DAPK2: variants seen among roughly 807,000 people sequenced by gnomAD.
DAPK2 encodes the protein death associated protein kinase 2.
Under a neutral mutation model 44.1 loss-of-function variants are expected in DAPK2, and 35 were observed. That is an observed-to-expected ratio of 0.79 (90% confidence interval 0.61 to 1.05). DAPK2 has a LOEUF of 1.05. DAPK2 is among the 50% of genes least tolerant of loss of function. The probability of loss-of-function intolerance (pLI) is 0.00; values close to 1 mark genes in which losing one functional copy is unlikely to be tolerated. For synonymous variants in DAPK2, 174 were observed against 182.6 expected (o/e 0.95, Z 0.38); for missense variants, 453 against 483.2 (o/e 0.94, Z 0.59).
At chr15:63,936,385 G>A (rs898485202) in intron 4 of DAPK2, among the ~76,000 whole-genome samples, 1 of 151,812 alleles carries the variant, frequency 6.6e-6, no homozygotes, top group African/African-American at 2.4e-5. Context: ...CCAAGGCAGG[G>A]GGATCACTTG....
At chr15:64,018,952 T>C (rs1159939137) in intron 1 of DAPK2, among the ~76,000 whole-genome samples, 1 of 152,224 alleles carries the variant, frequency 6.6e-6, no homozygotes, top group African/African-American at 2.4e-5. Flanking sequence ...CTCCTGGCCT[T>C]GGTTTCCTCC....
At chr15:63,944,759 A>G (rs2077405720) in intron 3 of DAPK2, among the ~76,000 whole-genome samples, 2 of 152,150 alleles carry the variant, frequency 1.3e-5, no homozygotes, top group African/African-American at 2.4e-5. Flanking sequence ...AATCTGGTTA[A>G]ATATCTTCAG....
At chr15:63,997,550 C>T (rs1182670155) in intron 1 of DAPK2, among the ~76,000 whole-genome samples, 1 of 152,172 alleles carries the variant, frequency 6.6e-6, no homozygotes, top group Admixed American at 6.5e-5. Flanking sequence ...AGTCTGGTCT[C>T]GAACTCCTGA....
intron 3 of DAPK2, among the ~76,000 whole-genome samples, chr15:63,960,280 G>T (rs1263721686): frequency 6.6e-6 from 1 of 152,018 alleles, no homozygotes; most frequent in Non-Finnish European, 1.5e-5. Flanking sequence ...TATCAATTTT[G>T]TTGATCTTTT....
At chr15:63,937,214 G>A (rs2077184365) in intron 4 of DAPK2, among the ~76,000 whole-genome samples, 1 of 152,060 alleles carries the variant, frequency 6.6e-6, no homozygotes, top group South Asian at 2.1e-4. Context: ...TATATTTTAA[G>A]GTAAAACAAA....
At chr15:63,950,392 ATT>A (rs1282328997) in intron 3 of DAPK2, among the ~76,000 whole-genome samples, 1 of 144,590 alleles carries the variant, frequency 6.9e-6, no homozygotes. Context: ...ATTAAAAAAC[ATT>A]TTTTTTTTTT....
intron 1 of DAPK2, among the ~76,000 whole-genome samples, chr15:64,025,657 G>A (rs12324089): frequency 0.45 from 68,989 of 152,094 alleles, 18,769 homozygotes; most frequent in East Asian, 0.78. Flanking sequence ...AAATATTTGA[G>A]GTATTGCAAG....
intron 1 of DAPK2, among the ~76,000 whole-genome samples, chr15:64,039,008 G>A (rs1469213279): frequency 6.6e-6 from 1 of 152,148 alleles, no homozygotes; most frequent in Non-Finnish European, 1.5e-5. Flanking sequence ...CTCCCCATTA[G>A]AGCCTTCCCA....
At chr15:63,931,646 G>A (rs1199237925) in intron 4 of DAPK2, among the ~76,000 whole-genome samples, 1 of 152,194 alleles carries the variant, frequency 6.6e-6, no homozygotes, top group Non-Finnish European at 1.5e-5. Context: ...AAGATGTCCA[G>A]GGGCAGGCTC....
chr15:63,975,756 G>A (rs555841874), intron 2 of DAPK2, among the ~76,000 whole-genome samples: 2 of 152,046 alleles, frequency 1.3e-5, no homozygotes, highest in Non-Finnish European at 2.9e-5. Context: ...ATGCCGCTAC[G>A]CCCAGCTAAT....
At chr15:64,002,951 T>TC (rs1448648946) in intron 1 of DAPK2, among the ~76,000 whole-genome samples, 167 of 132,178 alleles carry the variant, frequency 1.3e-3, no homozygotes, top group East Asian at 2.5e-3. Flanking sequence ...TGTGTGTGTG[T>TC]GTGTGTGTGT....
chr15:63,912,888 C>A lies in DAPK2; in HGVS notation c.859-691G>T, dbSNP rs74019093. Among the ~76,000 whole-genome samples, 1,438 of 152,254 alleles carry A rather than the reference C, an allele frequency of 9.4e-3. 16 individuals carry two copies. The highest frequency in any genetic ancestry group is 0.033 in the African/African-American group (1,388 of 41,534). Reference sequence around the variant, plus strand: ...TAATAAGTTATTGTGAGCTTTCCTGCGTTCTCCATTCCCTTTTCAACACCC... The same window carrying A: ...TAATAAGTTATTGTGAGCTTTCCTGAGTTCTCCATTCCCTTTTCAACACCC... On this transcript the variant is annotated intron_variant, in intron 8 of 10. Transcript: ENST00000261891. This position sits in a 1 kb window ranked among gnomAD's most constrained non-coding sequence, Gnocchi z 4.4.
At chr15:63,930,528 G>C in intron 4 of DAPK2, 73 bp from the exon 6 acceptor site, 1 of 1,418,812 alleles carries the variant, frequency 7.0e-7, no homozygotes, top group South Asian at 1.2e-5. Context: ...GGAATTTTAG[G>C]GAATTTGGTG....
upstream of DAPK2, among the ~76,000 whole-genome samples, chr15:64,042,716 A>G (rs1179876918): frequency 6.6e-6 from 1 of 152,204 alleles, no homozygotes; most frequent in African/African-American, 2.4e-5. This position sits in a 1 kb window ranked among gnomAD's most constrained non-coding sequence, Gnocchi z 4.7. Flanking sequence ...CCTATATTCC[A>G]GCCAAAGTTG....
chr15:63,910,967 C>T (rs2078771247), intron 10 of DAPK2: 1 of 152,264 alleles, frequency 6.6e-6, no homozygotes, highest in Non-Finnish European at 1.5e-5. Context: ...TGCCTGTAAT[C>T]CCAGCATTTT....
chr15:63,909,718 C>G (rs376609491), intron 10 of DAPK2: 2 of 152,134 alleles, frequency 1.3e-5, no homozygotes, highest in African/African-American at 2.4e-5. Flanking sequence ...AGGAGAATCT[C>G]TTGAACCCGG....
chr15:64,037,462 TAA>T (rs1455807419), intron 1 of DAPK2, among the ~76,000 whole-genome samples: 1 of 152,218 alleles, frequency 6.6e-6, no homozygotes, highest in Non-Finnish European at 1.5e-5. Flanking sequence ...TCTTAGCCCT[TAA>T]CACACCTTAT....
Position 63,925,698 on chromosome 15 carries a change from A to G in DAPK2, c.812+243T>C, listed in dbSNP as rs1238244980. Among the ~76,000 whole-genome samples, 4 of 151,806 alleles carry G rather than the reference A, an allele frequency of 2.6e-5. 1 individual carries two copies. The South Asian group carries it at 6.2e-4, about 24-fold the overall frequency. ...GTAGCGCACACACACACACACACAC[A>G]CACACACACACACACACACACACAT... On this transcript the variant is annotated intron_variant, in intron 7 of 10. Coordinates refer to ENST00000261891, the Ensembl canonical transcript of DAPK2.
intron 4 of DAPK2, among the ~76,000 whole-genome samples, chr15:63,936,270 G>T (rs1306061395): frequency 6.6e-6 from 1 of 152,146 alleles, no homozygotes; most frequent in Admixed American, 6.6e-5. Context: ...ATCAGCTTTT[G>T]GGGGTGGGAC....
Sources: allele counts gnomAD v4.1 joint callset (sites outside exome capture counted in the v4.1 genomes callset), GRCh38; gene constraint gnomAD v4.1.1; non-coding constraint Gnocchi (gnomAD v3.1); transcripts MANE v1.5; gene names NCBI Gene and HGNC (gene_info 2026-07-23, HGNC 2026-07-21).